PTAFR: variants seen among roughly 807,000 people sequenced by gnomAD.
PTAFR encodes platelet activating factor receptor.
A neutral mutation model predicts 14.7 loss-of-function variants in PTAFR; 8 were observed. The ratio of observed to expected loss-of-function variants is 0.54; its 90% CI spans 0.32 to 0.98. The LOEUF (loss-of-function observed/expected upper bound fraction) is 0.98. PTAFR is among the 50% of genes least tolerant of loss of function. The pLI, the probability that PTAFR is intolerant of heterozygous loss-of-function variation, is 0.04. For synonymous variants in PTAFR, 156 were observed against 176.5 expected (o/e 0.88, Z 0.92); for missense variants, 337 against 451.2 (o/e 0.75, Z 2.29).
rs994220552 is a variant in PTAFR at position 28,191,570 on chromosome 1, C to CAAAAAGA, written c.-39+2145_-39+2151dup. Among the ~76,000 whole-genome samples the CAAAAAGA allele has an allele frequency of 3.4e-5, 5 of 145,202 alleles. No individual in the cohort carries two copies. The South Asian group carries it at 6.5e-4, about 19-fold the overall frequency. On this transcript the variant is annotated intron_variant, in intron 1 of 1. Transcript: ENST00000305392. The stretch of plus-strand genomic sequence containing the variant: ...GCAACATAGCGAAACCTCATCTCTA[C>CAAAAAGA]AAAAAGAAAAAAGAAAAGAGAGAGA...
intron 1 of PTAFR, among the ~76,000 whole-genome samples, chr1:28,165,452 A>C (rs2148998458): frequency 6.6e-6 from 1 of 151,158 alleles, no homozygotes; most frequent in South Asian, 2.1e-4. Context: ...AACAAACTTA[A>C]CCAAGGAGGC....
Position 28,149,660 on chromosome 1 carries a change from G to C in PTAFR, c.*333C>G, listed in dbSNP as rs373038690. 2 of 270,714 alleles carry C rather than the reference G, an allele frequency of 7.4e-6. No homozygotes were observed. The highest frequency in any genetic ancestry group is 9.9e-5 in the Admixed American group (2 of 20,262). 16.8% of individuals were successfully genotyped at this position (270,714 alleles called of 1,614,324 possible). On this transcript the variant is annotated 3_prime_UTR_variant, in exon 2 of 2. Transcript: ENST00000373857. ...CAAAGCTTTAGACCGATGCCCCATC[G>C]GGGAGAACTAGGTGGTTTAAAGTCT...
chr1:28,190,781 C>A (rs1183408585), intron 1 of PTAFR, among the ~76,000 whole-genome samples: 1 of 152,124 alleles, frequency 6.6e-6, no homozygotes, highest in African/African-American at 2.4e-5. Flanking sequence ...AGCCCTGAAT[C>A]TTCTCTTCCT....
intron 1 of PTAFR, among the ~76,000 whole-genome samples, chr1:28,174,111 C>G (rs902506171): frequency 1.3e-5 from 2 of 152,124 alleles, no homozygotes; most frequent in Non-Finnish European, 1.5e-5. Flanking sequence ...GGCTTCTCCC[C>G]GCTCTCATCA....
intron 1 of PTAFR, among the ~76,000 whole-genome samples, chr1:28,158,173 G>C (rs1646286995): frequency 2.0e-5 from 3 of 152,150 alleles, no homozygotes; most frequent in African/African-American, 7.2e-5. Context: ...GATGTATCAG[G>C]TGTAACGCGG....
At chr1:28,151,173 C>A in intron 1 of PTAFR, 114 bp from the exon 2 acceptor site, 5 of 608,334 alleles carry the variant, frequency 8.2e-6, no homozygotes, top group Non-Finnish European at 1.4e-5. Context: ...CTCAGAAGTT[C>A]ATGTTGAATC....
intron 1 of PTAFR, among the ~76,000 whole-genome samples, chr1:28,189,246 C>A (rs1038731077): frequency 6.6e-6 from 1 of 151,940 alleles, no homozygotes; most frequent in Non-Finnish European, 1.5e-5. Flanking sequence ...AGGAAACAGA[C>A]ATTTGTATGA....
At chr1:28,163,019 A>C (rs1646343005) in intron 1 of PTAFR, among the ~76,000 whole-genome samples, 1 of 151,790 alleles carries the variant, frequency 6.6e-6, no homozygotes, top group African/African-American at 2.4e-5. Flanking sequence ...ATTTTCCACC[A>C]TTCCCCGCTA....
chr1:28,156,943 C>T (rs167523), intron 1 of PTAFR, among the ~76,000 whole-genome samples: 39,096 of 151,872 alleles, frequency 0.26, 6,139 homozygotes, highest in African/African-American at 0.44. Flanking sequence ...GTCAGGTCCG[C>T]ACCTCCCTGC....
chr1:28,162,730 G>A (rs1287365855), intron 1 of PTAFR, among the ~76,000 whole-genome samples: 1 of 149,482 alleles, frequency 6.7e-6, no homozygotes, highest in Admixed American at 6.8e-5. Flanking sequence ...GGAGGCTGAG[G>A]CAGGAGAATA....
At chr1:28,164,933 G>A (rs1053012694) in intron 1 of PTAFR, among the ~76,000 whole-genome samples, 6 of 152,182 alleles carry the variant, frequency 3.9e-5, no homozygotes, top group African/African-American at 9.7e-5. Flanking sequence ...TCTGACTCCC[G>A]CCTGGTAGGG....
rs1646159515 is a variant in PTAFR, at chr1:28,149,959, A to G, written c.*34T>C. 8 of 1,584,498 alleles carry G rather than the reference A, an allele frequency of 5.0e-6. No individual in the cohort carries two copies. The East Asian group carries it at 1.8e-4, about 35-fold the overall frequency. On this transcript the variant is annotated 3_prime_UTR_variant, in exon 2 of 2. Transcript: ENST00000373857. The stretch of plus-strand genomic sequence containing the variant: ...TCCCCCAGCTCAGTCCATGATGTTC[A>G]TGGAGGAGAAGACTTCAGGCCTGGA...
chr1:28,193,299 G>A (rs928619032), intron 1 of PTAFR, among the ~76,000 whole-genome samples: 13 of 151,808 alleles, frequency 8.6e-5, no homozygotes, highest in Non-Finnish European at 1.6e-4. Flanking sequence ...TGCATGTTGT[G>A]TGTCTGTAAG....
intron 1 of PTAFR, among the ~76,000 whole-genome samples, chr1:28,173,088 G>T (rs532072484): frequency 1.8e-5 from 2 of 108,362 alleles, no homozygotes; most frequent in South Asian, 5.9e-4. Context: ...GGGAAACATA[G>T]CAAGATCCCG....
upstream of PTAFR, among the ~76,000 whole-genome samples, chr1:28,179,667 AT>A (rs1646547219): frequency 6.6e-6 from 1 of 151,696 alleles, no homozygotes; most frequent in Non-Finnish European, 1.5e-5. Context: ...AATAATAATA[AT>A]TAAAAAAAGA....
intron 1 of PTAFR, among the ~76,000 whole-genome samples, chr1:28,162,808 G>A (rs1023979078): frequency 1.9e-4 from 24 of 123,110 alleles, no homozygotes; most frequent in East Asian, 5.2e-4. Context: ...CAGCCTGGGC[G>A]ACAGAGCGAG....
At chr1:28,175,070 C>A (rs563902219) in intron 1 of PTAFR, among the ~76,000 whole-genome samples, 2 of 152,038 alleles carry the variant, frequency 1.3e-5, no homozygotes, top group African/African-American at 2.4e-5. Flanking sequence ...CCCGCCACCA[C>A]GCCCAGCTAA....
chr1:28,183,106 A>G (rs1572049408), intron 1 of PTAFR, among the ~76,000 whole-genome samples: 1 of 152,330 alleles, frequency 6.6e-6, no homozygotes, highest in South Asian at 2.1e-4. Context: ...AGTGAAAAAG[A>G]AAACTGTCCC....
rs188749191 is a variant in PTAFR at position 28,153,485 on chromosome 1, C to A, written c.-38-2426G>T. Among the ~76,000 whole-genome samples, 16 of 151,530 alleles carry A rather than the reference C, an allele frequency of 1.1e-4. No individual in the cohort carries two copies. In the East Asian group the frequency reaches 3.1e-3, roughly 30 times the overall value. On this transcript the variant is annotated intron_variant, in intron 1 of 1. Transcript: ENST00000373857. ...AGTAGGCCAGGCGTGGTGGCTCACG[C>A]CTGTAATCCCAACACTTTGGGAGGC... is the stretch of plus-strand genomic sequence containing the variant.
Sources: gnomAD v4.1 joint callset for allele counts (sites outside exome capture counted in the v4.1 genomes callset) on GRCh38, gnomAD v4.1.1 for gene constraint, MANE v1.5 for transcripts, NCBI Gene and HGNC (gene_info 2026-07-23, HGNC 2026-07-21) for gene names.